KDM4B: variants seen among roughly 807,000 people sequenced by gnomAD.
KDM4B encodes the protein lysine-specific demethylase 4B.
Under a neutral mutation model 125.2 loss-of-function variants are expected in KDM4B, and 32 were observed. That is an observed-to-expected ratio of 0.26 (90% CI 0.19 to 0.34). KDM4B has a LOEUF of 0.34. KDM4B is among the 10% of genes least tolerant of loss of function. KDM4B has a pLI of 1.00. For missense variants in KDM4B, 1,190 were observed against 1,577.7 expected (o/e 0.75, Z 4.16); for synonymous variants, 721 against 677.9 (o/e 1.06, Z -0.99).
At chr19:5,129,142 C>T (rs2039501129) in intron 11 of KDM4B, among the ~76,000 whole-genome samples, 3 of 152,288 alleles carry the variant, frequency 2.0e-5, no homozygotes, top group South Asian at 4.1e-4. Flanking sequence ...TGGGCGGTCC[C>T]CCAAGCCTGC....
intron 16 of KDM4B, 118 bp from the exon 17 acceptor site, chr19:5,137,503 G>A: frequency 8.0e-7 from 1 of 1,248,376 alleles, no homozygotes; most frequent in Non-Finnish European, 1.1e-6. Context: ...CACTTTGGTG[G>A]CTGCTAGGTT....
At chr19:4,988,709 T>C (rs914889524) in intron 1 of KDM4B, among the ~76,000 whole-genome samples, 7 of 152,152 alleles carry the variant, frequency 4.6e-5, no homozygotes, top group Non-Finnish European at 4.4e-5. Flanking sequence ...GTGAGGGATG[T>C]GGGAAGGGGC....
chr19:5,110,850 C>T (rs1431012712), intron 10 of KDM4B, 32 bp downstream of exon 10: 5 of 1,509,902 alleles, frequency 3.3e-6, no homozygotes, highest in Non-Finnish European at 2.7e-6. Flanking sequence ...GCGTGACTGC[C>T]CAGCATCACG....
intron 10 of KDM4B, among the ~76,000 whole-genome samples, chr19:5,117,508 G>C (rs2039280015): frequency 6.6e-6 from 1 of 152,156 alleles, no homozygotes; most frequent in South Asian, 2.1e-4. Flanking sequence ...AGCCCACCTT[G>C]GGATGACAGT....
At chr19:4,981,096 C>A (rs751854119) in intron 1 of KDM4B, among the ~76,000 whole-genome samples, 2 of 152,116 alleles carry the variant, frequency 1.3e-5, no homozygotes, top group African/African-American at 2.4e-5. Flanking sequence ...CGCCACGGGC[C>A]TCTTCTCTCA....
intron 13 of KDM4B, among the ~76,000 whole-genome samples, chr19:5,132,484 A>G (rs1398658992): frequency 6.6e-6 from 1 of 152,008 alleles, no homozygotes; most frequent in African/African-American, 2.4e-5. Flanking sequence ...TTGGGGATGC[A>G]TGTAGAATCT....
In KDM4B at chr19:5,017,567, G is replaced by A. The variant is rs1018337096; in HGVS notation, c.-26+1228G>A. Among the ~76,000 whole-genome samples, 9 of 152,072 alleles carry A rather than the reference G, an allele frequency of 5.9e-5. No homozygotes were observed. In the East Asian group the frequency reaches 1.7e-3, roughly 29 times the overall value. ...GACGAGTCTCTTGGTGACTTGGTTT[G>A]GAAATTGGCAGGTCTGTCTGTGCCT... On this transcript the variant is annotated intron_variant, in intron 2 of 22. Transcript: ENST00000159111.
chr19:5,052,623 G>A (rs905847628), intron 6 of KDM4B, among the ~76,000 whole-genome samples: 1 of 152,212 alleles, frequency 6.6e-6, no homozygotes, highest in African/African-American at 2.4e-5. Context: ...GCTCCTGCCT[G>A]GGGGCAGACA....
intron 6 of KDM4B, among the ~76,000 whole-genome samples, chr19:5,059,824 A>G (rs2037528310): frequency 6.6e-6 from 1 of 152,170 alleles, no homozygotes; most frequent in African/African-American, 2.4e-5. Flanking sequence ...GGGAGCCTCC[A>G]CAGCCTGCAG....
chr19:5,053,394 A>T (rs999802004), intron 6 of KDM4B, among the ~76,000 whole-genome samples: 1 of 152,234 alleles, frequency 6.6e-6, no homozygotes, highest in African/African-American at 2.4e-5. Context: ...CTGAGCCAGG[A>T]TGACAGAAAT....
chr19:5,099,758 C>T (rs910833042), intron 9 of KDM4B, among the ~76,000 whole-genome samples: 2 of 152,200 alleles, frequency 1.3e-5, no homozygotes, highest in Admixed American at 1.3e-4. Context: ...CCAGAGAGCT[C>T]CCTCACCCCT....
intron 6 of KDM4B, among the ~76,000 whole-genome samples, chr19:5,052,480 C>T (rs963431440): frequency 6.6e-6 from 1 of 152,126 alleles, no homozygotes; most frequent in Non-Finnish European, 1.5e-5. Flanking sequence ...GAGTCTGTCG[C>T]CCACCCAGGC....
intron 20 of KDM4B, 104 bp from the exon 21 acceptor site, chr19:5,144,679 C>G: frequency 6.6e-7 from 1 of 1,505,916 alleles, no homozygotes; most frequent in East Asian, 2.3e-5. Context: ...TTTGGGGCTT[C>G]AGGCAGAGAA....
rs370110086 is a variant in KDM4B, at chr19:5,038,775, G to A, written c.142-1061G>A. On this transcript the variant is annotated intron_variant, in intron 3 of 22. Coordinates refer to ENST00000159111, the MANE Select transcript of KDM4B (RefSeq NM_015015.3). ...TTCCTCCCACCCAGGAGATGGGTGCGCTGGGCCCCAGCACGCTCTGCACAG... is the reference window on the plus strand; with the variant it reads ...TTCCTCCCACCCAGGAGATGGGTGCACTGGGCCCCAGCACGCTCTGCACAG... Among the ~76,000 whole-genome samples the A allele has an allele frequency of 8.7e-4, 133 of 152,352 alleles. 1 individual carries two copies. Among genetic ancestry groups the A allele is most frequent in the African/African-American group, 2.6e-3 (108 of 41,582 alleles).
intron 1 of KDM4B, among the ~76,000 whole-genome samples, chr19:5,000,099 A>C (rs1469710437): frequency 6.4e-4 from 47 of 73,472 alleles, no homozygotes; most frequent in East Asian, 1.4e-3. Flanking sequence ...CCCACCTACC[A>C]ACCTATCCAT....
intron 10 of KDM4B, chr19:5,119,076 G>A: frequency 7.8e-7 from 1 of 1,288,820 alleles, no homozygotes; most frequent in African/African-American, 1.5e-5. Flanking sequence ...GGGGAGTTGA[G>A]CAGAAGTCCT....
chr19:5,130,645 G>A (rs943497437), intron 11 of KDM4B, among the ~76,000 whole-genome samples: 3 of 152,220 alleles, frequency 2.0e-5, no homozygotes, highest in Admixed American at 6.5e-5. Context: ...TCGGATACAC[G>A]AGAACACAAA....
chr19:5,130,085 T>TC (rs900811633), intron 11 of KDM4B, among the ~76,000 whole-genome samples: 8 of 152,110 alleles, frequency 5.3e-5, no homozygotes, highest in African/African-American at 1.7e-4. Flanking sequence ...TCCTCTCCCT[T>TC]CACAGGCACA....
intron 9 of KDM4B, among the ~76,000 whole-genome samples, chr19:5,092,408 G>A (rs900022207): frequency 6.6e-6 from 1 of 152,160 alleles, no homozygotes; most frequent in African/African-American, 2.4e-5. Flanking sequence ...GGCTCCCTGC[G>A]GGCCCTTCCT....
Sources: gnomAD v4.1 joint callset for allele counts (sites outside exome capture counted in the v4.1 genomes callset) on GRCh38, gnomAD v4.1.1 for gene constraint, MANE v1.5 for transcripts, NCBI Gene and HGNC (gene_info 2026-07-23, HGNC 2026-07-21) for gene names.